Variants in ASS1 observed in about 807,000 individuals in gnomAD.
The protein encoded by ASS1 is argininosuccinate synthase 1, also known as argininosuccinate synthase.
Under a neutral mutation model 60.5 loss-of-function variants are expected in ASS1, and 58 were observed. The observed-to-expected ratio is 0.96, with a 90% CI of 0.78 to 1.19. The LOEUF is 1.19. Ranked by LOEUF, ASS1 falls within the 50% of genes most tolerant of loss-of-function variation. The pLI is 0.00. For synonymous variants in ASS1, 200 were observed against 206.9 expected (o/e 0.97, Z 0.29); for missense variants, 454 against 547.3 (o/e 0.83, Z 1.70).
At chr9:130,486,050 G>A (rs532351903) in intron 11 of ASS1, among the ~76,000 whole-genome samples, 3 of 152,218 alleles carry the variant, frequency 2.0e-5, no homozygotes, top group Non-Finnish European at 4.4e-5. Flanking sequence ...GCAGTGGTAC[G>A]ATCATGACTC....
intron 14 of ASS1, among the ~76,000 whole-genome samples, chr9:130,500,039 T>C (rs1286242532): frequency 1.3e-5 from 2 of 152,164 alleles, no homozygotes; most frequent in African/African-American, 2.4e-5. Flanking sequence ...ACTCAGACCT[T>C]TGATCCTCTG....
intron 3 of ASS1, among the ~76,000 whole-genome samples, chr9:130,456,469 A>AAACC (rs1183312729): frequency 6.6e-6 from 1 of 152,216 alleles, no homozygotes; most frequent in African/African-American, 2.4e-5. Context: ...TCTGTAAAAA[A>AAACC]AACCAACCAA....
rs1564158340 is a variant in ASS1 at position 130,484,828 on chromosome 9, C to CGT, written c.838+4379_838+4380insGT. On this transcript the variant is annotated intron_variant, in intron 11 of 14. Coordinates refer to ENST00000352480, the MANE Select transcript of ASS1 (RefSeq NM_054012.4). ...ACACACACACACACACACACACACA[C>CGT]ACGTGCGCGCGCGCGCGTCGGCAGC... Among the ~76,000 whole-genome samples the CGT allele has an allele frequency of 6.6e-5, 10 of 151,346 alleles. No homozygotes were observed. The East Asian group carries it at 1.6e-3, about 24-fold the overall frequency.
intron 8 of ASS1, among the ~76,000 whole-genome samples, chr9:130,474,449 G>A (rs1349136621): frequency 1.3e-5 from 2 of 152,154 alleles, no homozygotes; most frequent in African/African-American, 4.8e-5. Flanking sequence ...GAAAACAGTT[G>A]ACAGTCGGGC....
At chr9:130,472,129 A>G (rs905429442) in intron 8 of ASS1, among the ~76,000 whole-genome samples, 1 of 152,070 alleles carries the variant, frequency 6.6e-6, no homozygotes, top group African/African-American at 2.4e-5. Flanking sequence ...CAAATCTATC[A>G]TGGGAAGAGA....
Position 130,478,756 on chromosome 9 carries a change from A to G in ASS1, c.689-960A>G, listed in dbSNP as rs1846085811. Reference sequence around the variant, plus strand: ...GGGTGGTGAGAGGGGCTTAAGGTTCATTATTGGGCAGACTTACATTTAATA... The same window carrying G: ...GGGTGGTGAGAGGGGCTTAAGGTTCGTTATTGGGCAGACTTACATTTAATA... On this transcript the variant is annotated intron_variant, in intron 9 of 14. Transcript: ENST00000352480. This position sits in a 1 kb window ranked among gnomAD's most constrained non-coding sequence, Gnocchi z 4.7. Among the ~76,000 whole-genome samples, 1 of 152,174 alleles carries G rather than the reference A, an allele frequency of 6.6e-6. No homozygotes were observed. Among genetic ancestry groups the G allele is most frequent in the South Asian group, 2.1e-4 (1 of 4,826 alleles).
chr9:130,477,515 C>T lies in ASS1; in HGVS notation c.688+554C>T, dbSNP rs905461131. Among the ~76,000 whole-genome samples the T allele has an allele frequency of 3.4e-4, 52 of 152,326 alleles. No homozygotes were observed. The highest frequency in any genetic ancestry group is 3.4e-3 in the Middle Eastern group (1 of 294). ...AAGCTGCGGCCACTCTTGCTCCCCT[C>T]GGCAGTGGAGGCTGTCCTGATCGCT... On this transcript the variant is annotated intron_variant, in intron 9 of 14. Transcript: ENST00000352480. This position sits in a 1 kb window ranked among gnomAD's most constrained non-coding sequence, Gnocchi z 4.2.
rs1564907641 is a variant in ASS1, at chr9:130,466,748, T to C, written c.444T>C (p.Pro148=). 2 of 1,614,138 alleles carry C rather than the reference T, an allele frequency of 1.2e-6. No individual in the cohort carries two copies. The highest frequency in any genetic ancestry group is 4.5e-5 in the East Asian group (2 of 44,876). ...QIKVIAPWRM[P]EFYNRFKGRN... ...AGGTCATTGCTCCCTGGAGGATGCCTGAATTCTACAACCGGTTCAAGGGCC... is the reference window on the plus strand; with the variant it reads ...AGGTCATTGCTCCCTGGAGGATGCCCGAATTCTACAACCGGTTCAAGGGCC... Residue 148 remains proline (P), a synonymous_variant, in exon 6 of 15, where the codon CCT becomes CCC. Coordinates refer to ENST00000352480, the MANE Select transcript of ASS1 (RefSeq NM_054012.4).
intron 3 of ASS1, among the ~76,000 whole-genome samples, chr9:130,454,844 C>CCATCCATT (rs879434148): frequency 1.4e-3 from 212 of 151,196 alleles, no homozygotes; most frequent in Non-Finnish European, 2.2e-3. Context: ...ATCCATCCAT[C>CCATCCATT]CATCCATTCA....
chr9:130,467,866 C>T lies in ASS1; in HGVS notation c.495+1067C>T, dbSNP rs80173512. Among the ~76,000 whole-genome samples the T allele has an allele frequency of 2.0e-5, 3 of 152,326 alleles. No individual in the cohort carries two copies. The Middle Eastern group carries it at 0.01, about 518-fold the overall frequency. Reference sequence around the variant, plus strand: ...TAGAGAGGGGCAGGGCCGACCCATACGTTGCCCTTTCTTTCCGTTAAGTCC... The same window carrying T: ...TAGAGAGGGGCAGGGCCGACCCATATGTTGCCCTTTCTTTCCGTTAAGTCC... On this transcript the variant is annotated intron_variant, in intron 6 of 14. Transcript: ENST00000352480.
At chr9:130,499,088 T>A (rs1433475694) in intron 13 of ASS1, among the ~76,000 whole-genome samples, 2 of 152,154 alleles carry the variant, frequency 1.3e-5, no homozygotes, top group African/African-American at 4.8e-5. Flanking sequence ...GCTATTGCAA[T>A]TCACACCCCA....
At chr9:130,471,379 TA>T (rs1426396213) in intron 7 of ASS1, 105 bp from the exon 8 acceptor site, 43 of 1,421,354 alleles carry the variant, frequency 3.0e-5, no homozygotes, top group Non-Finnish European at 4.2e-5. Context: ...TGGCAGAGAG[TA>T]AAAGGCAGAC....
At chr9:130,465,860 G>A (rs1845727520) in intron 5 of ASS1, among the ~76,000 whole-genome samples, 4 of 152,224 alleles carry the variant, frequency 2.6e-5, no homozygotes, top group South Asian at 2.1e-4. Context: ...GCCGCAGGAC[G>A]GGGCCCTCCC....
chr9:130,484,371 T>C (rs1468190904), intron 11 of ASS1, among the ~76,000 whole-genome samples: 1 of 151,892 alleles, frequency 6.6e-6, no homozygotes, highest in Non-Finnish European at 1.5e-5. Flanking sequence ...GCTGTTTGGT[T>C]CCCACCTCTT....
intron 12 of ASS1, among the ~76,000 whole-genome samples, chr9:130,493,728 C>T (rs1234913498): frequency 1.3e-5 from 2 of 152,114 alleles, no homozygotes; most frequent in Non-Finnish European, 2.9e-5. Flanking sequence ...CTAGCCTTGC[C>T]CTGTCCCTCC....
At chr9:130,458,736 A>G in intron 4 of ASS1, 147 bp downstream of exon 4, 1 of 1,171,562 alleles carries the variant, frequency 8.5e-7, no homozygotes, top group Non-Finnish European at 1.2e-6. Context: ...GACCCCAATG[A>G]GAGGGGTAAC....
At chr9:130,497,483 G>A (rs1232427566) in intron 13 of ASS1, among the ~76,000 whole-genome samples, 1 of 135,120 alleles carries the variant, frequency 7.4e-6, no homozygotes, top group Non-Finnish European at 1.7e-5. Flanking sequence ...GACCGTCAGG[G>A]GAGGTAAAAA....
intron 14 of ASS1, among the ~76,000 whole-genome samples, chr9:130,499,984 G>A (rs1486833598): frequency 1.3e-5 from 2 of 152,198 alleles, no homozygotes; most frequent in Non-Finnish European, 2.9e-5. Context: ...TCCTAGCCAC[G>A]TGGATCTCCA....
intron 13 of ASS1, among the ~76,000 whole-genome samples, chr9:130,496,009 C>A (rs1459653837): frequency 2.0e-5 from 3 of 152,230 alleles, no homozygotes; most frequent in East Asian, 3.9e-4. Context: ...CCGCCGGACA[C>A]TTGGGTCTAG....
Sources: gnomAD v4.1 joint callset for allele counts (sites outside exome capture counted in the v4.1 genomes callset) on GRCh38, gnomAD v4.1.1 for gene constraint, Gnocchi (gnomAD v3.1) non-coding constraint, MANE v1.5 for transcripts, NCBI Gene and HGNC (gene_info 2026-07-23, HGNC 2026-07-21) for gene names.